MAPK10: variants seen among roughly 807,000 people sequenced by gnomAD.
MAPK10 encodes JNK3 alpha protein kinase.
MAPK10 carries 25 observed loss-of-function variants against 59.3 expected under a neutral mutation model. The ratio of observed to expected loss-of-function variants is 0.42; its 90% CI spans 0.31 to 0.59. The LOEUF (loss-of-function observed/expected upper bound fraction) is 0.59, where lower values mean the gene tolerates loss of function less well. Ranked by LOEUF, MAPK10 falls within the 20% of genes least tolerant of loss-of-function variation. The probability of loss-of-function intolerance (pLI) is 0.15; values close to 1 mark genes in which losing one functional copy is unlikely to be tolerated. For missense variants in MAPK10, 351 were observed against 568.9 expected (o/e 0.62, Z 3.90); for synonymous variants, 190 against 200.5 (o/e 0.95, Z 0.44).
intron 1 of MAPK10, among the ~76,000 whole-genome samples, chr4:86,396,054 T>C (rs114199561): frequency 7.9e-5 from 12 of 152,076 alleles, no homozygotes; most frequent in Non-Finnish European, 1.3e-4. Context: ...CCTAAGAAAG[T>C]AGTGTTTCCG....
intron 10 of MAPK10, among the ~76,000 whole-genome samples, chr4:86,066,854 C>A (rs1433574564): frequency 6.8e-6 from 1 of 147,950 alleles, no homozygotes; most frequent in Non-Finnish European, 1.5e-5. Flanking sequence ...TGCTAAGAAA[C>A]AATACTATTT....
At chr4:86,402,869 G>A (rs1030196480) in intron 1 of MAPK10, among the ~76,000 whole-genome samples, 2 of 152,134 alleles carry the variant, frequency 1.3e-5, no homozygotes, top group Admixed American at 6.5e-5. Flanking sequence ...AGCAGCCCAC[G>A]GAAAGCATGG....
Position 86,098,597 on chromosome 4 carries a change from TAGAACAGGAG to T in MAPK10, c.731-12_731-3del, listed in dbSNP as rs775822659. On this transcript the variant is annotated splice_region_variant and splice_polypyrimidine_tract_variant and intron_variant, in intron 8 of 13. Coordinates refer to ENST00000641462, the MANE Select transcript of MAPK10 (RefSeq NM_138982.4). Reference sequence around the variant, plus strand: ...TGCATCCCACAGACCATATATCCACTAGAACAGGAGAGAGAGGGTAGTGAAGAAAAGGGAG... The same window carrying T: ...TGCATCCCACAGACCATATATCCACTAGAGAGGGTAGTGAAGAAAAGGGAG... The T allele has an allele frequency of 8.1e-6, 13 of 1,608,142 alleles. No homozygotes were observed. The highest frequency in any genetic ancestry group is 1.1e-5 in the Non-Finnish European group (13 of 1,174,772).
intron 6 of MAPK10, chr4:86,102,856 A>G (rs1299983474): frequency 6.0e-6 from 1 of 167,672 alleles, no homozygotes; most frequent in Admixed American, 6.1e-5. Flanking sequence ...CTCATTGTAG[A>G]AAGTTTGTGG....
Position 86,105,908 on chromosome 4 carries a change from T to C in MAPK10, c.366+1315A>G, listed in dbSNP as rs545429190. ...CCCACCATACACTGACCAGCATTTTTAAATATTCCTTCTTTGCTTTGCCTT... is the reference window on the plus strand; with the variant it reads ...CCCACCATACACTGACCAGCATTTTCAAATATTCCTTCTTTGCTTTGCCTT... On this transcript the variant is annotated intron_variant, in intron 5 of 13. Coordinates refer to ENST00000641462, the MANE Select transcript of MAPK10 (RefSeq NM_138982.4). Among the ~76,000 whole-genome samples the C allele has an allele frequency of 8.5e-5, 13 of 152,296 alleles. No homozygotes were observed. The South Asian group carries it at 2.7e-3, about 32-fold the overall frequency.
chr4:86,285,939 T>C (rs964773429), intron 2 of MAPK10, among the ~76,000 whole-genome samples: 3 of 152,194 alleles, frequency 2.0e-5, no homozygotes, highest in Admixed American at 6.5e-5. Flanking sequence ...TTCCGCCTTC[T>C]TCTGCATTTG....
chr4:86,504,194 G>T (rs1049847056), intron 1 of MAPK10, among the ~76,000 whole-genome samples: 1 of 152,038 alleles, frequency 6.6e-6, no homozygotes, highest in South Asian at 2.1e-4. Flanking sequence ...GAGGGTCTTA[G>T]TTTCTTTTAC....
At chr4:86,489,927 A>C (rs10010550) in intron 1 of MAPK10, among the ~76,000 whole-genome samples, 348 of 152,226 alleles carry the variant, frequency 2.3e-3, no homozygotes, top group Non-Finnish European at 3.4e-3. Context: ...TTCCACTCTC[A>C]GTAGTCAGTC....
At chr4:86,363,217 A>C (rs202118794), upstream of MAPK10, among the ~76,000 whole-genome samples, 9 of 152,210 alleles carry the variant, frequency 5.9e-5, no homozygotes, top group East Asian at 1.7e-3. Context: ...AACTGCTTAC[A>C]TAGCATTTAC....
intron 1 of MAPK10, among the ~76,000 whole-genome samples, chr4:86,467,553 C>T (rs1160952267): frequency 6.6e-6 from 1 of 151,972 alleles, no homozygotes; most frequent in African/African-American, 2.4e-5. Context: ...CGGAGTTTCG[C>T]TCTGTCACCA....
At chr4:86,461,276 G>A (rs930527475) in intron 1 of MAPK10, among the ~76,000 whole-genome samples, 1 of 152,212 alleles carries the variant, frequency 6.6e-6, no homozygotes, top group Non-Finnish European at 1.5e-5. Context: ...GAGGACAGAA[G>A]TTACAGGCAG....
rs564322004 is a variant in MAPK10, at chr4:86,515,610, G to A, written c.-263+78300C>T. ...AGTGATATTGAGCATTTTTTCATAT[G>A]TTTGTTGGACATTTGAATATCTTCT... On this transcript the variant is annotated intron_variant, in intron 1 of 4. Coordinates refer to the MAPK10 transcript ENST00000502302. 1.2e-4 allele frequency among the ~76,000 whole-genome samples: 19 copies of A among 152,192 alleles called. No individual in the cohort carries two copies. In the East Asian group the frequency reaches 2.9e-3, roughly 23 times the overall value.
intron 1 of MAPK10, among the ~76,000 whole-genome samples, chr4:86,536,246 T>C (rs1422903846): frequency 6.6e-6 from 1 of 152,224 alleles, no homozygotes; most frequent in Non-Finnish European, 1.5e-5. Flanking sequence ...AATATGCTCA[T>C]ATAAATTCAT....
chr4:86,235,331 C>G (rs1010516200), intron 2 of MAPK10, among the ~76,000 whole-genome samples: 1 of 152,142 alleles, frequency 6.6e-6, no homozygotes, highest in Non-Finnish European at 1.5e-5. Context: ...TCTGCACATG[C>G]TCCCGGGTGT....
chr4:86,591,006 T>A (rs1480201279), intron 1 of MAPK10, among the ~76,000 whole-genome samples: 1 of 152,234 alleles, frequency 6.6e-6, no homozygotes, highest in Non-Finnish European at 1.5e-5. Context: ...TGGCTAATCA[T>A]AGGCACAATC....
At chr4:86,031,558 A>G in intron 11 of MAPK10, 127 bp from the exon 12 acceptor site, 1 of 634,816 alleles carries the variant, frequency 1.6e-6, no homozygotes. Flanking sequence ...TTATGAGGAA[A>G]TTACAGTAGT....
intron 4 of MAPK10, among the ~76,000 whole-genome samples, chr4:86,153,590 T>C (rs1002351609): frequency 3.3e-5 from 5 of 152,206 alleles, no homozygotes. Context: ...AATGTGGGTA[T>C]TACATATATG....
At chr4:86,194,985 A>G (rs560011252) in intron 2 of MAPK10, among the ~76,000 whole-genome samples, 24 of 152,232 alleles carry the variant, frequency 1.6e-4, no homozygotes, top group Non-Finnish European at 2.9e-5. Flanking sequence ...ATGATTATAT[A>G]TTGCTTTTAA....
intron 2 of MAPK10, among the ~76,000 whole-genome samples, chr4:86,294,479 T>C (rs1394308755): frequency 6.6e-6 from 1 of 152,052 alleles, no homozygotes; most frequent in African/African-American, 2.4e-5. Flanking sequence ...AGAACCTCTG[T>C]TTCTACCCAT....
Sources: gnomAD v4.1 joint callset for allele counts (sites outside exome capture counted in the v4.1 genomes callset) on GRCh38, gnomAD v4.1.1 for gene constraint, MANE v1.5 for transcripts, NCBI Gene and HGNC (gene_info 2026-07-23, HGNC 2026-07-21) for gene names.